The following KLLN variants were observed in gnomAD, a reference collection of about 807,000 sequenced individuals.
KLLN encodes the protein killin.
For synonymous variants in KLLN, 142 were observed against 102.2 expected (o/e 1.39, Z -2.35); for missense variants, 340 against 241.3 (o/e 1.41, Z -2.71).
Position 87,860,216 on chromosome 10 carries a change from C to G in KLLN, c.*1735G>C, listed in dbSNP as rs920733998. 3.3e-5 allele frequency: 5 copies of G among 152,088 alleles called. No individual in the cohort carries two copies. Among genetic ancestry groups the G allele is most frequent in the African/African-American group, 1.2e-4 (5 of 41,422 alleles). The allele number at this position is 152,088 out of a possible 1,614,324, so 9.4% of individuals were successfully genotyped here. On this transcript the variant is annotated 3_prime_UTR_variant, in exon 1 of 1. Coordinates refer to ENST00000445946, the MANE Select transcript of KLLN (RefSeq NM_001126049.2). Reference sequence around the variant, plus strand: ...AACAAAAAATTGGAAAAGGATGCATCAGTATTTCTTTCAGAAACAACTTAA... The same window carrying G: ...AACAAAAAATTGGAAAAGGATGCATGAGTATTTCTTTCAGAAACAACTTAA...
chr10:87,859,197 A>G lies in KLLN; in HGVS notation c.*2754T>C, dbSNP rs926297153. On this transcript the variant is annotated 3_prime_UTR_variant, in exon 1 of 1. Transcript: ENST00000445946. ...TTAAAATTATCTTTATTGAAAGAAC[A>G]ATAATGTTTGTTATTAGGATAAATG... 2.6e-5 allele frequency: 4 copies of G among 152,196 alleles called. No homozygotes were observed. Among genetic ancestry groups the G allele is most frequent in the Non-Finnish European group, 5.9e-5 (4 of 68,044 alleles). The allele number at this position is 152,196 out of a possible 1,614,324, so 9.4% of individuals were successfully genotyped here.
At position 87,862,488 on chromosome 10, in the gene KLLN, C is replaced by A; in HGVS notation, c.-1G>T. 2 of 1,539,946 alleles carry A rather than the reference C, an allele frequency of 1.3e-6. No homozygotes were observed. The highest frequency in any genetic ancestry group is 1.8e-6 in the Non-Finnish European group (2 of 1,139,438). On this transcript the variant is annotated 5_prime_UTR_variant, in exon 1 of 1. Coordinates refer to ENST00000445946, the MANE Select transcript of KLLN (RefSeq NM_001126049.2). Reference sequence around the variant, plus strand: ...CGGAGCCTGGCCCCGGGCGATCCATCCTGCCGGGTTTTCACGGCGGCCAAG... The same window carrying A: ...CGGAGCCTGGCCCCGGGCGATCCATACTGCCGGGTTTTCACGGCGGCCAAG...
chr10:87,862,246 T>C lies in KLLN; in HGVS notation c.242A>G (p.Asp81Gly). ...GELSKFPLPS[D>G]SSGGKSSSSF... ...AGAAGACGACTTGCCTCCGGAGCTA[T>C]CACTGGGGAGTGGGAATTTGGAAAG... Residue 81 changes from aspartate (D) to glycine (G), a missense_variant, in exon 1 of 1, where the codon GAT becomes GGT. By Grantham distance (94) the Asp-to-Gly change is moderately conservative. Transcript: ENST00000445946. 6.4e-7 allele frequency: 1 copy of C among 1,551,718 alleles called. No homozygotes were observed. The highest frequency in any genetic ancestry group is 8.7e-7 in the Non-Finnish European group (1 of 1,146,996).
In KLLN at chr10:87,862,177, G is replaced by A. The variant is rs148838695; in HGVS notation, c.311C>T (p.Pro104Leu). 5 of 1,551,626 alleles carry A rather than the reference G, an allele frequency of 3.2e-6. No individual in the cohort carries two copies. Among genetic ancestry groups the A allele is most frequent in the Non-Finnish European group, 3.5e-6 (4 of 1,146,966 alleles). Residue 104 changes from proline (P) to leucine (L), a missense_variant, in exon 1 of 1, where the codon CCC becomes CTC. By Grantham distance (98) the Pro-to-Leu change is moderately conservative. Transcript: ENST00000445946. Reference protein sequence around the residue: ...GALAWCRQRNPNPSCAAAETG... With the variant: ...GALAWCRQRNLNPSCAAAETG... ...TTCCGCCGCGGCGCAGGAAGGGTTG[G>A]GGTTCCGCTGCCTGCACCAGGCAAG...
In KLLN at chr10:87,860,081, A is replaced by T. The variant is rs1181036341; in HGVS notation, c.*1870T>A. On this transcript the variant is annotated 3_prime_UTR_variant, in exon 1 of 1. Coordinates refer to ENST00000445946, the MANE Select transcript of KLLN (RefSeq NM_001126049.2). ...AGTGCTTGGAGACCAGTGTATTGTA[A>T]TATCTATACAGCCAAGCAGGTATTT... 4 of 151,910 alleles carry T rather than the reference A, an allele frequency of 2.6e-5. No homozygotes were observed. The highest frequency in any genetic ancestry group is 9.7e-5 in the African/African-American group (4 of 41,368). 9.4% of individuals were successfully genotyped at this position (151,910 alleles called of 1,614,324 possible).
chr10:87,862,184 GCTGC>G, the KLLN span: 136 of 1,551,584 alleles, frequency 8.8e-5, no homozygotes, highest in African/African-American at 1.7e-3. Context: ...TTGGGGTTCC[GCTGC>G]CTGCACCAGG....
rs1177637579 is a variant in KLLN, at chr10:87,860,334, T to A, written c.*1617A>T. ...GCCAAATATCTGCCAACATTGATGATCCTTTCATTCACCACTAGAGAGAAG... is the reference window on the plus strand; with the variant it reads ...GCCAAATATCTGCCAACATTGATGAACCTTTCATTCACCACTAGAGAGAAG... On this transcript the variant is annotated 3_prime_UTR_variant, in exon 1 of 1. Coordinates refer to ENST00000445946, the MANE Select transcript of KLLN (RefSeq NM_001126049.2). 6.6e-6 allele frequency: 1 copy of A among 152,204 alleles called. No homozygotes were observed. The highest frequency in any genetic ancestry group is 2.4e-5 in the African/African-American group (1 of 41,452). The allele number at this position is 152,204 out of a possible 1,614,324, so 9.4% of individuals were successfully genotyped here.
At position 87,862,373 on chromosome 10, in the gene KLLN, C is replaced by G; in HGVS notation, c.115G>C (p.Gly39Arg). The change falls in exon 1 of 1, where the codon GGG (glycine) becomes CGG (arginine). Residue 39 changes from glycine (G) to arginine (R), a missense_variant. Gly to Arg is a moderately radical substitution (Grantham distance 125). Coordinates refer to ENST00000445946, the MANE Select transcript of KLLN (RefSeq NM_001126049.2). ...TTGAACCCTCCTAGGTCTCCTCGCCCCGCCCACTCGCTGGGCTGCAGCTTC... is the reference window on the plus strand; with the variant it reads ...TTGAACCCTCCTAGGTCTCCTCGCCGCGCCCACTCGCTGGGCTGCAGCTTC... ...GRKLQPSEWA[G>R]RGDLGGFKRR... 1 of 1,551,628 alleles carries G rather than the reference C, an allele frequency of 6.4e-7. No homozygotes were observed. The highest frequency in any genetic ancestry group is 8.7e-7 in the Non-Finnish European group (1 of 1,146,970).
At position 87,863,103 on chromosome 10, in the gene KLLN, C is replaced by G; in HGVS notation, c.-616G>C. ...CAGCGTGGTCACCTGGTCCTTTTCACCTGTGCACAGGTAACCTCAGACTCG... is the reference window on the plus strand; with the variant it reads ...CAGCGTGGTCACCTGGTCCTTTTCAGCTGTGCACAGGTAACCTCAGACTCG... On this transcript the variant is annotated 5_prime_UTR_variant, in exon 1 of 1. Transcript: ENST00000445946. 5.8e-6 allele frequency: 1 copy of G among 172,982 alleles called. No homozygotes were observed. The allele number at this position is 172,982 out of a possible 1,614,324, so 10.7% of individuals were successfully genotyped here.
In KLLN at chr10:87,862,579, C is replaced by G; in HGVS notation, c.-92G>C. ...TCCGACGCCGCGAACCGACCTGGAG[C>G]CCGAGGGGAAAGATGCTCGACTCTC... is the stretch of plus-strand genomic sequence containing the variant. On this transcript the variant is annotated 5_prime_UTR_variant, in exon 1 of 1. Transcript: ENST00000445946. 8.2e-7 allele frequency: 1 copy of G among 1,217,546 alleles called. No homozygotes were observed. The highest frequency in any genetic ancestry group is 1.1e-6 in the Non-Finnish European group (1 of 879,836). The allele number at this position is 1,217,546 out of a possible 1,614,324, so 75.4% of individuals were successfully genotyped here. A position where few individuals can be genotyped will look rare whatever the true frequency, so the allele number is the denominator to read the frequency against.
chr10:87,862,163 C>T lies in KLLN; in HGVS notation c.325G>A (p.Ala109Thr). The change falls in exon 1 of 1, where the codon GCC (alanine) becomes ACC (threonine). Residue 109 changes from alanine (A) to threonine (T), a missense_variant. Coordinates refer to ENST00000445946, the MANE Select transcript of KLLN (RefSeq NM_001126049.2). ...CRQRNPNPSC[A>T]AAETGARTSL... is the part of the protein sequence containing the mutation. ...GTCCGAGCCCCTGTTTCCGCCGCGG[C>T]GCAGGAAGGGTTGGGGTTCCGCTGC... 2 of 1,551,364 alleles carry T rather than the reference C, an allele frequency of 1.3e-6. No individual in the cohort carries two copies. The highest frequency in any genetic ancestry group is 1.7e-4 in the Middle Eastern group (1 of 5,990).
chr10:87,862,519 G>C lies in KLLN; in HGVS notation c.-32C>G, dbSNP rs1480238949. 3.9e-6 allele frequency: 6 copies of C among 1,523,168 alleles called. No homozygotes were observed. The highest frequency in any genetic ancestry group is 4.4e-6 in the Non-Finnish European group (5 of 1,130,058). 94.4% of individuals were successfully genotyped at this position (1,523,168 alleles called of 1,614,324 possible). On this transcript the variant is annotated 5_prime_UTR_variant, in exon 1 of 1. Transcript: ENST00000445946. ...GGGTTTTCACGGCGGCCAAGGGGGG[G>C]CGGGGCTAGGTGGTCTCTGAGAACC...
In KLLN at chr10:87,862,380, C is replaced by T. The variant is rs1008851109; in HGVS notation, c.108G>A (p.Glu36=). The change falls in exon 1 of 1, where the codon GAG becomes GAA. Residue 36 remains glutamate (E), a synonymous_variant. Coordinates refer to ENST00000445946, the MANE Select transcript of KLLN (RefSeq NM_001126049.2). ...VRNGRKLQPS[E]WAGRGDLGGF... ...CTCCTAGGTCTCCTCGCCCCGCCCA[C>T]TCGCTGGGCTGCAGCTTCCTACCGT... The T allele has an allele frequency of 3.5e-5, 54 of 1,551,602 alleles. No homozygotes were observed. Among genetic ancestry groups the T allele is most frequent in the Non-Finnish European group, 4.6e-5 (53 of 1,147,000 alleles).
In KLLN at chr10:87,862,207, C is replaced by T; in HGVS notation, c.281G>A (p.Gly94Asp). ...CCGCTGCCTGCACCAGGCAAGAGCA[C>T]CCCGAGCAAAGGAAGAAGACGACTT... ...GGKSSSSFAR[G>D]ALAWCRQRNP... is the part of the protein sequence containing the mutation. The change falls in exon 1 of 1, where the codon GGT (glycine) becomes GAT (aspartate). Residue 94 changes from glycine to aspartate, a missense_variant. Coordinates refer to ENST00000445946, the MANE Select transcript of KLLN (RefSeq NM_001126049.2). 1 of 1,551,668 alleles carries T rather than the reference C, an allele frequency of 6.4e-7. No individual in the cohort carries two copies. The highest frequency in any genetic ancestry group is 2.4e-5 in the East Asian group (1 of 40,920).
chr10:87,861,838 G>A lies in KLLN; in HGVS notation c.*113C>T. On this transcript the variant is annotated 3_prime_UTR_variant, in exon 1 of 1. Transcript: ENST00000445946. Reference sequence around the variant, plus strand: ...ACAGAACCAAAAGGGTTCACCCTAAGCGGCAGGGCATCAGCGATGGAGAGG... The same window carrying A: ...ACAGAACCAAAAGGGTTCACCCTAAACGGCAGGGCATCAGCGATGGAGAGG... 1.0e-6 allele frequency: 1 copy of A among 986,904 alleles called. No individual in the cohort carries two copies. Among genetic ancestry groups the A allele is most frequent in the Non-Finnish European group, 1.5e-6 (1 of 689,040 alleles). The allele number at this position is 986,904 out of a possible 1,614,324, so 61.1% of individuals were successfully genotyped here. A position where few individuals can be genotyped will look rare whatever the true frequency, so the allele number is the denominator to read the frequency against.
chr10:87,862,186 T>G lies in KLLN; in HGVS notation c.302A>C (p.Gln101Pro). 1 of 1,551,372 alleles carries G rather than the reference T, an allele frequency of 6.4e-7. No homozygotes were observed. Among genetic ancestry groups the G allele is most frequent in the Non-Finnish European group, 8.7e-7 (1 of 1,146,998 alleles). The part of the protein sequence containing the change: ...FARGALAWCR[Q>P]RNPNPSCAAA... The stretch of plus-strand genomic sequence containing the variant: ...GGCGCAGGAAGGGTTGGGGTTCCGC[T>G]GCCTGCACCAGGCAAGAGCACCCCG... Residue 101 changes from glutamine (Q) to proline (P), a missense_variant, in exon 1 of 1, where the codon CAG becomes CCG. Physicochemically the swap from Gln to Pro is moderately conservative, Grantham distance 76 (BLOSUM62 -1). Coordinates refer to ENST00000445946, the MANE Select transcript of KLLN (RefSeq NM_001126049.2).
At position 87,863,121 on chromosome 10, in the gene KLLN, C is replaced by G. The variant is rs1359211064; in HGVS notation, c.-634G>C. On this transcript the variant is annotated 5_prime_UTR_variant, in exon 1 of 1. Transcript: ENST00000445946. ...CTTTTCACCTGTGCACAGGTAACCT[C>G]AGACTCGAGTCAGTGACACTGCTCA... 1 of 174,410 alleles carries G rather than the reference C, an allele frequency of 5.7e-6. No individual in the cohort carries two copies. Among genetic ancestry groups the G allele is most frequent in the African/African-American group, 2.4e-5 (1 of 41,654 alleles). 10.8% of individuals were successfully genotyped at this position (174,410 alleles called of 1,614,324 possible). A position where few individuals can be genotyped will look rare whatever the true frequency, so the allele number is the denominator to read the frequency against.
Position 87,861,870 on chromosome 10 carries a change from A to G in KLLN, c.*81T>C. 4.5e-6 allele frequency: 6 copies of G among 1,341,280 alleles called. No homozygotes were observed. The highest frequency in any genetic ancestry group is 6.0e-6 in the Non-Finnish European group (6 of 1,006,028). The allele number at this position is 1,341,280 out of a possible 1,614,324, so 83.1% of individuals were successfully genotyped here. ...GGCATCAGCGATGGAGAGGCCCGAG[A>G]GCCCTAGCGCCCAGCTCCTTTTCCC... On this transcript the variant is annotated 3_prime_UTR_variant, in exon 1 of 1. Coordinates refer to ENST00000445946, the MANE Select transcript of KLLN (RefSeq NM_001126049.2).
rs957878077 is a variant in KLLN at position 87,860,060 on chromosome 10, C to T, written c.*1891G>A. 6.8e-6 allele frequency: 1 copy of T among 148,118 alleles called. No homozygotes were observed. The highest frequency in any genetic ancestry group is 1.5e-5 in the Non-Finnish European group (1 of 67,182). The allele number at this position is 148,118 out of a possible 1,614,324, so 9.2% of individuals were successfully genotyped here. Reference sequence around the variant, plus strand: ...GAAAAAAAAAAAAAGAACTGAAGTGCTTGGAGACCAGTGTATTGTAATATC... The same window carrying T: ...GAAAAAAAAAAAAAGAACTGAAGTGTTTGGAGACCAGTGTATTGTAATATC... On this transcript the variant is annotated 3_prime_UTR_variant, in exon 1 of 1. Transcript: ENST00000445946.
Sources: allele counts gnomAD v4.1 joint callset, GRCh38; gene constraint gnomAD v4.1.1; transcripts MANE v1.5; gene names NCBI Gene and HGNC (gene_info 2026-07-23, HGNC 2026-07-21).